Variants in LRP1B observed in about 807,000 individuals in gnomAD.
LRP1B encodes low-density lipoprotein receptor-related protein 1B.
In LRP1B, 217 loss-of-function variants were observed where a neutral mutation model predicts 556.6. That is an observed-to-expected ratio of 0.39 (90% CI 0.35 to 0.44). The LOEUF (loss-of-function observed/expected upper bound fraction) is 0.44, where lower values mean the gene tolerates loss of function less well. Ranked by LOEUF, LRP1B falls within the 20% of genes least tolerant of loss-of-function variation. The probability of loss-of-function intolerance (pLI) is 1.00; values close to 1 mark genes in which losing one functional copy is unlikely to be tolerated. For missense variants in LRP1B, 5,053 were observed against 5,620.8 expected (o/e 0.90, Z 3.23); for synonymous variants, 2,047 against 1,865.8 (o/e 1.10, Z -2.50).
intron 21 of LRP1B, among the ~76,000 whole-genome samples, chr2:140,912,759 C>T (rs1445587153): frequency 6.6e-6 from 1 of 151,542 alleles, no homozygotes; most frequent in Non-Finnish European, 1.5e-5. Flanking sequence ...ATCCCCAAAA[C>T]CCAGAAATTT....
At chr2:140,390,000 T>C (rs1683944921) in intron 66 of LRP1B, among the ~76,000 whole-genome samples, 1 of 151,840 alleles carries the variant, frequency 6.6e-6, no homozygotes, top group African/African-American at 2.4e-5. Context: ...TGTGGTGGCA[T>C]GTGCCTGCAG....
chr2:140,761,381 T>A (rs2380915), intron 35 of LRP1B, among the ~76,000 whole-genome samples: 94,089 of 151,984 alleles, frequency 0.62, 30,264 homozygotes, highest in Middle Eastern at 0.71. Context: ...CTCTTACCCC[T>A]ACCACCTGGT....
chr2:141,232,880 A>C (rs1216754616), intron 5 of LRP1B, among the ~76,000 whole-genome samples: 1 of 152,150 alleles, frequency 6.6e-6, no homozygotes, highest in African/African-American at 2.4e-5. Flanking sequence ...CCACTGAAAC[A>C]CGAGAAACCA....
chr2:140,491,558 A>C (rs1174000070), intron 57 of LRP1B, among the ~76,000 whole-genome samples: 1 of 152,020 alleles, frequency 6.6e-6, no homozygotes, highest in Non-Finnish European at 1.5e-5. Flanking sequence ...TAAGTTTAAA[A>C]GCATAGGAAA....
intron 1 of LRP1B, 59 bp downstream of exon 1, chr2:142,130,589 T>C (rs1162515926): frequency 2.0e-5 from 28 of 1,413,466 alleles, no homozygotes; most frequent in Non-Finnish European, 2.7e-5. Flanking sequence ...TCTGCAAGCA[T>C]CGCCCAGCAG....
intron 1 of LRP1B, among the ~76,000 whole-genome samples, chr2:142,010,448 G>C (rs1484756495): frequency 1.3e-5 from 2 of 150,424 alleles, no homozygotes. Flanking sequence ...CAGCTACTCG[G>C]AGAGGCTGAG....
At chr2:140,260,902 T>C (rs1181450984) in intron 86 of LRP1B, among the ~76,000 whole-genome samples, 7 of 151,866 alleles carry the variant, frequency 4.6e-5, no homozygotes. Context: ...CTCTTAGACA[T>C]GAAGTTCCAC....
intron 89 of LRP1B, among the ~76,000 whole-genome samples, chr2:140,236,303 T>C (rs1278801854): frequency 6.6e-6 from 1 of 150,882 alleles, no homozygotes; most frequent in Non-Finnish European, 1.5e-5. Flanking sequence ...AATTTGAATG[T>C]AGATTGGCCA....
intron 3 of LRP1B, among the ~76,000 whole-genome samples, chr2:141,436,049 A>G (rs996459049): frequency 1.3e-5 from 2 of 152,210 alleles, no homozygotes; most frequent in African/African-American, 2.4e-5. Flanking sequence ...ATTGGGTCAC[A>G]GTGTAAATGC....
At chr2:140,939,153 T>C (rs1018372684) in intron 20 of LRP1B, among the ~76,000 whole-genome samples, 11 of 152,058 alleles carry the variant, frequency 7.2e-5, no homozygotes, top group African/African-American at 2.7e-4. Context: ...TAATCAAATT[T>C]TCTGTCCAAG....
At chr2:140,450,802 G>A (rs1264666423) in intron 62 of LRP1B, 141 bp from the exon 63 acceptor site, 1 of 602,404 alleles carries the variant, frequency 1.7e-6, no homozygotes, top group Non-Finnish European at 2.9e-6. Context: ...TCCACAATAG[G>A]AACTAAATAC....
chr2:140,319,812 C>A (rs964732567), intron 82 of LRP1B, among the ~76,000 whole-genome samples: 5 of 152,120 alleles, frequency 3.3e-5, no homozygotes, highest in Admixed American at 2.6e-4. Context: ...GAGATAACAG[C>A]TACTCTGACT....
chr2:140,746,041 GA>G (rs377347479), intron 35 of LRP1B, among the ~76,000 whole-genome samples: 1 of 64,064 alleles, frequency 1.6e-5, no homozygotes, highest in Non-Finnish European at 3.7e-5. Flanking sequence ...TTAAAATGAG[GA>G]ATGAGGATGA....
At chr2:140,871,418 G>A (rs181018350) in intron 25 of LRP1B, among the ~76,000 whole-genome samples, 18 of 152,084 alleles carry the variant, frequency 1.2e-4, no homozygotes, top group Admixed American at 5.9e-4. Context: ...ACAGAGAAAG[G>A]GAGAGAAAAA....
At chr2:141,900,770 C>T (rs547759519) in intron 1 of LRP1B, among the ~76,000 whole-genome samples, 1 of 152,038 alleles carries the variant, frequency 6.6e-6, no homozygotes, top group Middle Eastern at 3.4e-3. Flanking sequence ...CCAAAGTACA[C>T]TTGAATAATT....
chr2:140,406,237 G>T (rs530950909), intron 66 of LRP1B, among the ~76,000 whole-genome samples: 1 of 152,132 alleles, frequency 6.6e-6, no homozygotes, highest in South Asian at 2.1e-4. Context: ...CCACCATCAT[G>T]TTGAATGGGG....
At position 141,467,025 on chromosome 2, in the gene LRP1B, G is replaced by T. The variant is rs151080585; in HGVS notation, c.343+13371C>A. Among the ~76,000 whole-genome samples, 567 of 145,834 alleles carry T rather than the reference G, an allele frequency of 3.9e-3. 4 individuals are homozygous for T. Among genetic ancestry groups the T allele is most frequent in the South Asian group, 0.018 (81 of 4,498 alleles). On this transcript the variant is annotated intron_variant, in intron 3 of 90. Coordinates refer to ENST00000389484, the MANE Select transcript of LRP1B (RefSeq NM_018557.3). Reference sequence around the variant, plus strand: ...TTTATGGACATTTATCTAGGTATTTGCCAGTTTTTTGCTACATATGTAGCC... The same window carrying T: ...TTTATGGACATTTATCTAGGTATTTTCCAGTTTTTTGCTACATATGTAGCC...
At chr2:141,867,669 T>A (rs1460086331) in intron 1 of LRP1B, among the ~76,000 whole-genome samples, 3 of 152,188 alleles carry the variant, frequency 2.0e-5, no homozygotes, top group Non-Finnish European at 4.4e-5. Context: ...TCTTATGATA[T>A]TATTGATACA....
intron 5 of LRP1B, among the ~76,000 whole-genome samples, chr2:141,245,658 T>C (rs1684039994): frequency 6.6e-6 from 1 of 152,210 alleles, no homozygotes; most frequent in African/African-American, 2.4e-5. Flanking sequence ...AGCATTATCT[T>C]ATTGTGACTA....
Sources: gnomAD v4.1 joint callset for allele counts (sites outside exome capture counted in the v4.1 genomes callset) on GRCh38, gnomAD v4.1.1 for gene constraint, MANE v1.5 for transcripts, NCBI Gene and HGNC (gene_info 2026-07-23, HGNC 2026-07-21) for gene names.